Variants in KCNAB1 observed in about 807,000 individuals in gnomAD.
KCNAB1 encodes the protein potassium voltage-gated channel subfamily A regulatory beta subunit 1, also known as voltage-gated potassium channel subunit beta-1.
KCNAB1 carries 35 observed loss-of-function variants against 64.6 expected under a neutral mutation model. The observed-to-expected ratio is 0.54, with a 90% CI of 0.41 to 0.72. The LOEUF is 0.72. KCNAB1 is among the 30% of genes least tolerant of loss of function. The pLI is 0.00. For synonymous variants in KCNAB1, 177 were observed against 183.8 expected (o/e 0.96, Z 0.30); for missense variants, 401 against 512.9 (o/e 0.78, Z 2.11).
chr3:156,276,708 A>G (rs1361836679), intron 1 of KCNAB1, among the ~76,000 whole-genome samples: 1 of 151,976 alleles, frequency 6.6e-6, no homozygotes, highest in Non-Finnish European at 1.5e-5. Flanking sequence ...TAAACTTTTC[A>G]TCTGTAGCTT....
Position 156,123,026 on chromosome 3 carries a change from A to C in KCNAB1, c.275+2140A>C, listed in dbSNP as rs185058679. Among the ~76,000 whole-genome samples the C allele has an allele frequency of 1.5e-3, 226 of 152,336 alleles. 2 individuals are homozygous for C. Among genetic ancestry groups the C allele is most frequent in the South Asian group, 4.6e-3 (22 of 4,830 alleles). On this transcript the variant is annotated intron_variant, in intron 1 of 13. Transcript: ENST00000490337. ...GAATGTACGATCCCCCAAGTCACCC[A>C]AATTTTTCTTTCATTTGTAAATGTC... is the stretch of plus-strand genomic sequence containing the variant.
chr3:156,120,413 C>T (rs1713266730), upstream of KCNAB1: 1 of 653,914 alleles, frequency 1.5e-6, no homozygotes, highest in South Asian at 1.9e-5. Context: ...AGGTATTGGC[C>T]AGCTTACCTC....
intron 1 of KCNAB1, among the ~76,000 whole-genome samples, chr3:156,351,749 C>T (rs1576760483): frequency 6.6e-6 from 1 of 152,232 alleles, no homozygotes; most frequent in Non-Finnish European, 1.5e-5. Flanking sequence ...TCTGGATTTA[C>T]TTTTATTTAT....
intron 8 of KCNAB1, among the ~76,000 whole-genome samples, chr3:156,479,622 A>G (rs2108328586): frequency 6.6e-6 from 1 of 152,310 alleles, no homozygotes; most frequent in African/African-American, 2.4e-5. Flanking sequence ...TTTTTAAATT[A>G]AATTAAATTT....
At chr3:156,468,245 A>G (rs1713580173) in intron 7 of KCNAB1, among the ~76,000 whole-genome samples, 1 of 152,204 alleles carries the variant, frequency 6.6e-6, no homozygotes, top group Admixed American at 6.5e-5. Context: ...AAATAGTTTC[A>G]GTATTCAATC....
At chr3:156,165,343 T>C (rs1052725058) in intron 1 of KCNAB1, among the ~76,000 whole-genome samples, 4 of 145,540 alleles carry the variant, frequency 2.7e-5, no homozygotes, top group Non-Finnish European at 4.5e-5. Flanking sequence ...TACTGTAAAC[T>C]GGACTATAAA....
At chr3:156,315,307 G>T (rs1340171347) in intron 1 of KCNAB1, among the ~76,000 whole-genome samples, 1 of 140,342 alleles carries the variant, frequency 7.1e-6, no homozygotes, top group East Asian at 1.9e-4. Flanking sequence ...GGAGTACTGG[G>T]GTATAGGCTA....
chr3:156,314,169 A>T (rs1197238256), intron 1 of KCNAB1, among the ~76,000 whole-genome samples: 2 of 152,246 alleles, frequency 1.3e-5, no homozygotes, highest in Non-Finnish European at 2.9e-5. Context: ...TATTGAGCAT[A>T]TGCTATATAC....
intron 11 of KCNAB1, among the ~76,000 whole-genome samples, chr3:156,519,885 AC>A (rs1446399927): frequency 6.6e-6 from 1 of 152,210 alleles, no homozygotes; most frequent in African/African-American, 2.4e-5. Context: ...GTCATGTGCC[AC>A]CCTGTGAGAC....
At chr3:156,268,839 A>G (rs911622941) in intron 1 of KCNAB1, among the ~76,000 whole-genome samples, 6 of 152,130 alleles carry the variant, frequency 3.9e-5, no homozygotes, top group Non-Finnish European at 8.8e-5. Context: ...TTACTCTGCT[A>G]TGCAAAAAGC....
chr3:156,424,999 A>G (rs541205385), intron 2 of KCNAB1, among the ~76,000 whole-genome samples: 1 of 152,326 alleles, frequency 6.6e-6, no homozygotes, highest in African/African-American at 2.4e-5. Flanking sequence ...CTCTTTCAGA[A>G]CTTTTTTGAA....
chr3:156,333,647 T>G (rs535400500), intron 1 of KCNAB1, among the ~76,000 whole-genome samples: 1 of 152,316 alleles, frequency 6.6e-6, no homozygotes, highest in East Asian at 1.9e-4. Flanking sequence ...TTATAAGAGA[T>G]GTAAAATTGC....
At chr3:156,387,014 CTTT>C (rs1194708289) in intron 1 of KCNAB1, among the ~76,000 whole-genome samples, 2,415 of 90,522 alleles carry the variant, frequency 0.027, 50 homozygotes, top group African/African-American at 0.047. Context: ...TTCTCTCTCT[CTTT>C]TTTTTTTTTT....
At position 156,261,265 on chromosome 3, in the gene KCNAB1, CT is replaced by C. The variant is rs1718414785; in HGVS notation, c.275+140386del. Among the ~76,000 whole-genome samples the C allele has an allele frequency of 2.6e-5, 4 of 151,848 alleles. 1 individual carries two copies. The highest frequency in any genetic ancestry group is 4.2e-4 in the South Asian group (2 of 4,808). ...TTTATTTTTAGGAAGTTCAATTAAC[CT>C]TTTTTTCTTTTATATATTTTCTTTT... On this transcript the variant is annotated intron_variant, in intron 1 of 13. Coordinates refer to ENST00000490337, the MANE Select transcript of KCNAB1 (RefSeq NM_172160.3).
chr3:156,164,408 T>A (rs1716252519), intron 1 of KCNAB1, among the ~76,000 whole-genome samples: 1 of 152,242 alleles, frequency 6.6e-6, no homozygotes, highest in African/African-American at 2.4e-5. Flanking sequence ...CCCATTGGCT[T>A]CATTCCTCCC....
At chr3:156,457,218 A>G (rs1481918564) in intron 3 of KCNAB1, 26 of 1,313,090 alleles carry the variant, frequency 2.0e-5, no homozygotes, top group Non-Finnish European at 2.5e-5. Context: ...CACTTTGGGC[A>G]GGCTAAATCC....
At chr3:156,406,729 GAGAT>G (rs758289871) in intron 1 of KCNAB1, among the ~76,000 whole-genome samples, 4 of 152,168 alleles carry the variant, frequency 2.6e-5, no homozygotes, top group Non-Finnish European at 5.9e-5. Context: ...GAAGAGAAAA[GAGAT>G]AGAACCTGAG....
chr3:156,431,685 C>G (rs1268900261), intron 2 of KCNAB1, among the ~76,000 whole-genome samples: 1 of 152,208 alleles, frequency 6.6e-6, no homozygotes, highest in East Asian at 1.9e-4. Context: ...AGTAAGCCAA[C>G]AGAAAACCCA....
chr3:156,133,045 A>C (rs1714094851), intron 1 of KCNAB1, among the ~76,000 whole-genome samples: 1 of 152,230 alleles, frequency 6.6e-6, no homozygotes, highest in South Asian at 2.1e-4. Flanking sequence ...TTCCTTAAAA[A>C]ATCAAAGCCT....
Sources: allele counts gnomAD v4.1 joint callset (sites outside exome capture counted in the v4.1 genomes callset), GRCh38; gene constraint gnomAD v4.1.1; transcripts MANE v1.5; gene names NCBI Gene and HGNC (gene_info 2026-07-23, HGNC 2026-07-21).